Variants in SHTN1 observed in about 807,000 individuals in gnomAD.
SHTN1 encodes shootin 1.
Under a neutral mutation model 83.1 loss-of-function variants are expected in SHTN1, and 42 were observed. That is an observed-to-expected ratio of 0.51 (90% CI 0.39 to 0.65). SHTN1 has a LOEUF of 0.65. Among genes scored for constraint, SHTN1 ranks in the 30% least tolerant of loss-of-function variants. The pLI, the probability that SHTN1 is intolerant of heterozygous loss-of-function variation, is 0.00. For missense variants in SHTN1, 622 were observed against 737.8 expected (o/e 0.84, Z 1.82); for synonymous variants, 224 against 247.7 (o/e 0.90, Z 0.90).
At chr10:117,022,527 GA>G (rs993436877) in intron 2 of SHTN1, among the ~76,000 whole-genome samples, 3 of 148,482 alleles carry the variant, frequency 2.0e-5, no homozygotes, top group South Asian at 2.1e-4. Flanking sequence ...AATATGCCAT[GA>G]AAAAAAAAAT....
At chr10:117,006,005 C>T (rs150808968), upstream of SHTN1, among the ~76,000 whole-genome samples, 13 of 152,342 alleles carry the variant, frequency 8.5e-5, no homozygotes, top group Non-Finnish European at 1.3e-4. Flanking sequence ...TATTTGAACT[C>T]ATGTCTGTGT....
At chr10:117,121,965 A>G (rs1853934889) in intron 1 of SHTN1, among the ~76,000 whole-genome samples, 1 of 151,634 alleles carries the variant, frequency 6.6e-6, no homozygotes, top group Non-Finnish European at 1.5e-5. Context: ...CCAGGGGGAG[A>G]AGCTTGCAAT....
At chr10:116,960,472 A>C in intron 3 of SHTN1, 1 of 370,124 alleles carries the variant, frequency 2.7e-6, no homozygotes. Context: ...TATTATGTAC[A>C]TTTTAAGAGC....
At chr10:117,009,219 A>C (rs549189918), upstream of SHTN1, among the ~76,000 whole-genome samples, 8 of 152,146 alleles carry the variant, frequency 5.3e-5, no homozygotes, top group South Asian at 1.7e-3. Context: ...TTAAAAACTA[A>C]GTATAAAATA....
chr10:116,974,143 A>G (rs1850711461), intron 2 of SHTN1: 4 of 1,048,986 alleles, frequency 3.8e-6, no homozygotes, highest in Non-Finnish European at 4.6e-6. Context: ...GTCTTGCAGC[A>G]TTCTCCAAAT....
At chr10:117,052,747 C>T (rs909948117) in intron 1 of SHTN1, among the ~76,000 whole-genome samples, 7 of 151,846 alleles carry the variant, frequency 4.6e-5, no homozygotes, top group South Asian at 2.1e-4. Context: ...GGGCCGAGTG[C>T]GGTGGCTCAC....
chr10:117,072,847 C>T (rs1853103608), intron 1 of SHTN1, among the ~76,000 whole-genome samples: 2 of 152,094 alleles, frequency 1.3e-5, no homozygotes, highest in South Asian at 4.1e-4. Flanking sequence ...AGCAATGGAT[C>T]CAAACCAAGA....
In SHTN1 at chr10:116,954,073, A is replaced by C; in HGVS notation, c.405T>G (p.Cys135Trp). The change falls in exon 5 of 17, where the codon TGT becomes TGG. Residue 135 changes from cysteine to tryptophan, a missense_variant. Coordinates refer to ENST00000355371, the MANE Select transcript of SHTN1 (RefSeq NM_001127211.3). Reference sequence around the variant, plus strand: ...TTTGCTTCTGACACTGTACTGAGACACAAGTCTCGGCGGCACCGTCTGTGT... The same window carrying C: ...TTTGCTTCTGACACTGTACTGAGACCCAAGTCTCGGCGGCACCGTCTGTGT... ...TTDTDGAAET[C>W]VSVQCQKQIK... is the part of the protein sequence containing the mutation. The C allele has an allele frequency of 6.2e-7, 1 of 1,612,744 alleles. No individual in the cohort carries two copies.
At chr10:117,032,248 G>A (rs1852427608) in intron 2 of SHTN1, among the ~76,000 whole-genome samples, 1 of 152,096 alleles carries the variant, frequency 6.6e-6, no homozygotes, top group Non-Finnish European at 1.5e-5. Flanking sequence ...CTGTCGCCCA[G>A]GCTGGAGTGC....
At chr10:116,950,737 T>C (rs1214786270) in intron 6 of SHTN1, among the ~76,000 whole-genome samples, 1 of 152,182 alleles carries the variant, frequency 6.6e-6, no homozygotes, top group Admixed American at 6.5e-5. Flanking sequence ...CTGGTACACA[T>C]TGTCCAACGG....
chr10:116,991,668 G>T (rs1037479494), intron 1 of SHTN1, among the ~76,000 whole-genome samples: 5 of 152,130 alleles, frequency 3.3e-5, no homozygotes, highest in African/African-American at 1.2e-4. Context: ...ATTCATGAGG[G>T]ATCCAGCCCC....
intron 1 of SHTN1, among the ~76,000 whole-genome samples, chr10:117,118,363 C>CAAAAA (rs57432703): frequency 8.4e-6 from 1 of 118,454 alleles, no homozygotes; most frequent in East Asian, 2.6e-4. Flanking sequence ...TAATCCATTT[C>CAAAAA]AAAAAAAAAA....
Position 117,123,458 on chromosome 10 carries a change from A to C in SHTN1, c.-189+2849T>G, listed in dbSNP as rs1284116105. 3.3e-5 allele frequency among the ~76,000 whole-genome samples: 5 copies of C among 152,202 alleles called. No homozygotes were observed. In the East Asian group the frequency reaches 7.7e-4, roughly 23 times the overall value. The stretch of plus-strand genomic sequence containing the variant: ...GCAGTTGATTTGAGACAGAAAGAAA[A>C]GGTAGTGAGTAATTAACACCCCTTA... On this transcript the variant is annotated intron_variant, in intron 1 of 17. Transcript: ENST00000392901.
intron 9 of SHTN1, among the ~76,000 whole-genome samples, chr10:116,934,833 C>G (rs1422402845): frequency 6.6e-6 from 1 of 152,138 alleles, no homozygotes. Flanking sequence ...TTAGTGTCCT[C>G]TCTTATTTCC....
intron 12 of SHTN1, among the ~76,000 whole-genome samples, chr10:116,917,277 C>T (rs1848412511): frequency 1.3e-5 from 2 of 152,124 alleles, no homozygotes; most frequent in South Asian, 2.1e-4. Flanking sequence ...CATCTGGTAT[C>T]GGTATGGGAT....
At chr10:116,887,735 G>A (rs1589773486) in intron 16 of SHTN1, among the ~76,000 whole-genome samples, 1 of 152,294 alleles carries the variant, frequency 6.6e-6, no homozygotes, top group African/African-American at 2.4e-5. Context: ...GGCAGGGACT[G>A]TTTAGCTTTA....
intron 2 of SHTN1, among the ~76,000 whole-genome samples, chr10:116,970,586 C>T (rs1004060242): frequency 5.9e-5 from 9 of 151,990 alleles, no homozygotes; most frequent in East Asian, 3.9e-4. Flanking sequence ...TGGTGGCACA[C>T]GCCTGTACTC....
Position 117,125,752 on chromosome 10 carries a change from C to T in SHTN1, c.-189+555G>A, listed in dbSNP as rs117302719. On this transcript the variant is annotated intron_variant, in intron 1 of 17. Coordinates refer to the SHTN1 transcript ENST00000392901. ...ATCATCTCAGAATTCTACAGGCTGT[C>T]TGCCCATCCCTGCCAATAATGCTCC... Among the ~76,000 whole-genome samples the T allele has an allele frequency of 6.6e-3, 1,002 of 152,278 alleles. 6 individuals carry two copies. The highest frequency in any genetic ancestry group is 0.014 in the Middle Eastern group (4 of 294).
In SHTN1 at chr10:117,071,438, G is replaced by A. The variant is rs146544008; in HGVS notation, c.-188-22928C>T. Among the ~76,000 whole-genome samples, 502 of 152,288 alleles carry A rather than the reference G, an allele frequency of 3.3e-3. 2 individuals carry two copies. Among genetic ancestry groups the A allele is most frequent in the African/African-American group, 9.8e-3 (408 of 41,550 alleles). ...GCTAATAGCATTACTCAATAAGTCA[G>A]CTCAGTGAATATTGCTATTCTCATC... On this transcript the variant is annotated intron_variant, in intron 1 of 17. Coordinates refer to the SHTN1 transcript ENST00000392901.
Sources: gnomAD v4.1 joint callset for allele counts (sites outside exome capture counted in the v4.1 genomes callset) on GRCh38, gnomAD v4.1.1 for gene constraint, MANE v1.5 for transcripts, NCBI Gene and HGNC (gene_info 2026-07-23, HGNC 2026-07-21) for gene names.